RTL4: variants seen among roughly 807,000 people sequenced by gnomAD.
RTL4 encodes the protein retrotransposon Gag like 4.
In RTL4, 4 loss-of-function variants were observed where a neutral mutation model predicts 5.3. That is an observed-to-expected ratio of 0.75 (90% CI 0.37 to 1.72). RTL4 has a LOEUF of 1.72. RTL4 is among the 40% of genes most tolerant of loss of function. RTL4 has a pLI of 0.04. For synonymous variants in RTL4, 98 were observed against 87.3 expected (o/e 1.12, Z -0.68); for missense variants, 260 against 227.1 (o/e 1.14, Z -0.93).
At chrX:112,254,255 ACTC>A in the RTL4 span, among the ~76,000 whole-genome samples, 1 of 109,814 alleles carries the variant, frequency 9.1e-6, no homozygotes, top group Admixed American at 9.7e-5. Flanking sequence ...GTGAAAGACA[ACTC>A]CTTATTGCAG....
At chrX:112,392,682 A>G in the RTL4 span, among the ~76,000 whole-genome samples, 1 of 111,880 alleles carries the variant, frequency 8.9e-6, no homozygotes. Flanking sequence ...TGAGTTGCCC[A>G]AACAGCAAAG....
chrX:112,334,966 T>G, the RTL4 span, among the ~76,000 whole-genome samples: 1 of 112,235 alleles, frequency 8.9e-6, no homozygotes, highest in African/African-American at 3.2e-5. Context: ...TGTTTAATAC[T>G]ATTTTTATTA....
chrX:112,335,702 C>A, the RTL4 span, among the ~76,000 whole-genome samples: 1 of 110,587 alleles, frequency 9.0e-6, no homozygotes, highest in Non-Finnish European at 1.9e-5. Flanking sequence ...CGATTTTCAA[C>A]TAAATTAGTT....
At chrX:112,354,943 T>C in the RTL4 span, among the ~76,000 whole-genome samples, 1 of 111,205 alleles carries the variant, frequency 9.0e-6, no homozygotes, top group Non-Finnish European at 1.9e-5. Flanking sequence ...GTAATAGTAG[T>C]AATATAAATA....
At chrX:112,130,265 C>T in the RTL4 span, among the ~76,000 whole-genome samples, 10 of 100,840 alleles carry the variant, frequency 9.9e-5, no homozygotes, top group Admixed American at 7.7e-4. Context: ...TTTTTTGAGA[C>T]GGAGTCGATT....
chrX:112,131,303 A>G, the RTL4 span, among the ~76,000 whole-genome samples: 1 of 108,160 alleles, frequency 9.2e-6, no homozygotes, highest in Non-Finnish European at 1.9e-5. Context: ...CTTGTACTGT[A>G]TTTTAATTAA....
the RTL4 span, among the ~76,000 whole-genome samples, chrX:112,273,607 A>G: frequency 3.6e-5 from 4 of 111,673 alleles, no homozygotes; most frequent in Non-Finnish European, 7.5e-5. Flanking sequence ...GAGTCTGGCA[A>G]GTAGTAAGCA....
the RTL4 span, among the ~76,000 whole-genome samples, chrX:112,257,628 G>T: frequency 4.7e-4 from 51 of 109,437 alleles, no homozygotes; most frequent in African/African-American, 1.6e-3. Flanking sequence ...TGCTTTTGTT[G>T]CTGGGTCCTC....
chrX:112,106,698 T>C, the RTL4 span, among the ~76,000 whole-genome samples: 2 of 111,896 alleles, frequency 1.8e-5, no homozygotes, highest in Non-Finnish European at 3.8e-5. Flanking sequence ...TTTTTTTTGC[T>C]AATAGCCCTC....
chrX:112,098,525 G>T, the RTL4 span, among the ~76,000 whole-genome samples: 1 of 111,500 alleles, frequency 9.0e-6, no homozygotes, highest in East Asian at 2.8e-4. Flanking sequence ...GATCCCTGAG[G>T]AATGACCACA....
the RTL4 span, among the ~76,000 whole-genome samples, chrX:112,095,523 T>C: frequency 9.0e-6 from 1 of 111,521 alleles, no homozygotes; most frequent in Non-Finnish European, 1.9e-5. Flanking sequence ...GGGAATGTGA[T>C]GGATCATTGA....
At chrX:112,303,313 A>G in the RTL4 span, among the ~76,000 whole-genome samples, 3 of 110,689 alleles carry the variant, frequency 2.7e-5, no homozygotes, top group Non-Finnish European at 5.7e-5. Flanking sequence ...TAAATGAATT[A>G]TATTATCCAT....
the RTL4 span, among the ~76,000 whole-genome samples, chrX:112,320,909 C>T: frequency 9.0e-6 from 1 of 111,420 alleles, no homozygotes; most frequent in African/African-American, 3.3e-5. Context: ...TAGCTTTGCT[C>T]CTAAAAGAGG....
At chrX:112,109,592 G>A in the RTL4 span, among the ~76,000 whole-genome samples, 1 of 111,691 alleles carries the variant, frequency 9.0e-6, no homozygotes, top group Non-Finnish European at 1.9e-5. Flanking sequence ...CTTTTTTACA[G>A]AGCACTGACA....
the RTL4 span, among the ~76,000 whole-genome samples, chrX:112,310,964 T>C: frequency 9.7e-6 from 1 of 103,423 alleles, no homozygotes; most frequent in Non-Finnish European, 2.0e-5. Context: ...AATTCCAGTC[T>C]TGCAGCTGTC....
At chrX:112,436,212 C>G in the RTL4 span, among the ~76,000 whole-genome samples, 2 of 96,425 alleles carry the variant, frequency 2.1e-5, no homozygotes, top group African/African-American at 8.2e-5. Context: ...GACTCCATCT[C>G]AAACATAACA....
At chrX:112,156,051 G>A in the RTL4 span, among the ~76,000 whole-genome samples, 2 of 112,029 alleles carry the variant, frequency 1.8e-5, no homozygotes, top group Non-Finnish European at 3.8e-5. Flanking sequence ...GTTGGCTATT[G>A]TGTGTCAGTC....
At chrX:112,226,394 G>A in the RTL4 span, among the ~76,000 whole-genome samples, 2 of 111,726 alleles carry the variant, frequency 1.8e-5, no homozygotes, top group South Asian at 7.5e-4. Flanking sequence ...ATCACTATGG[G>A]ATGCGTTATT....
At chrX:112,420,710 G>T in the RTL4 span, among the ~76,000 whole-genome samples, 1 of 111,672 alleles carries the variant, frequency 9.0e-6, no homozygotes. Flanking sequence ...TAGTTATTAT[G>T]GGCTCTTCAG....
Sources: allele counts gnomAD v4.1 joint callset (sites outside exome capture counted in the v4.1 genomes callset), GRCh38; gene constraint gnomAD v4.1.1; transcripts MANE v1.5; gene names NCBI Gene and HGNC (gene_info 2026-07-23, HGNC 2026-07-21).